The following TRIT1 variants were observed in gnomAD, a reference collection of about 807,000 sequenced individuals.
TRIT1 encodes the protein tRNA dimethylallyltransferase.
A neutral mutation model predicts 51.2 loss-of-function variants in TRIT1; 43 were observed. That is an observed-to-expected ratio of 0.84 (90% confidence interval 0.66 to 1.08). The LOEUF (loss-of-function observed/expected upper bound fraction) is 1.08. Among genes scored for constraint, TRIT1 ranks in the 50% least tolerant of loss-of-function variants. TRIT1 has a pLI of 0.00. For missense variants in TRIT1, 528 were observed against 578.4 expected, an observed-to-expected ratio of 0.91 and a Z score of 0.89; for synonymous variants, 184 against 203.9, an observed-to-expected ratio of 0.90 and a Z score of 0.83.
intron 8 of TRIT1, among the ~76,000 whole-genome samples, chr1:39,845,591 C>T (rs1642177746): frequency 6.6e-6 from 1 of 152,388 alleles, no homozygotes; most frequent in Admixed American, 6.5e-5. Flanking sequence ...AGGGTGCAGG[C>T]AGCATCCACA....
chr1:39,874,366 G>A (rs1481333140), intron 1 of TRIT1, among the ~76,000 whole-genome samples: 1 of 152,126 alleles, frequency 6.6e-6, no homozygotes, highest in Non-Finnish European at 1.5e-5. Context: ...TGTCTCCAGG[G>A]ATTGCCAAAC....
intron 1 of TRIT1, among the ~76,000 whole-genome samples, chr1:39,880,031 T>A (rs1333652550): frequency 6.7e-6 from 1 of 149,886 alleles, no homozygotes; most frequent in African/African-American, 2.5e-5. Context: ...AAAAATTAGC[T>A]GGGCCTGGTG....
At chr1:39,862,874 A>G (rs1643330465) in intron 1 of TRIT1, 2 of 985,450 alleles carry the variant, frequency 2.0e-6, no homozygotes, top group Non-Finnish European at 2.4e-6. Context: ...GATCTGTGTT[A>G]TCTTTCAAAG....
chr1:39,855,187 G>A (rs1642825299), intron 2 of TRIT1, among the ~76,000 whole-genome samples: 1 of 152,030 alleles, frequency 6.6e-6, no homozygotes, highest in African/African-American at 2.4e-5. Context: ...TCAATATCCA[G>A]GTAAATAATC....
At position 39,844,629 on chromosome 1, in the gene TRIT1, T is replaced by G; in HGVS notation, c.1018A>C (p.Ile340Leu). 6.2e-7 allele frequency: 1 copy of G among 1,612,412 alleles called. No homozygotes were observed. Among genetic ancestry groups the G allele is most frequent in the Non-Finnish European group, 8.5e-7 (1 of 1,178,588 alleles). The change falls in exon 9 of 11, where the codon ATT becomes CTT. Residue 340 changes from isoleucine (I) to leucine (L), a missense_variant. This residue lies in a region of TRIT1 where 468 missense variants were observed against 522.6 expected (regional missense o/e 0.90). Coordinates refer to ENST00000316891, the MANE Select transcript of TRIT1 (RefSeq NM_017646.6). ...KNRFLSRPGP[I>L]VPPVYGLEVS... ...TCTAAGCCATAGACAGGGGGGACAATGGGACCAGGTCCTAATGATGACAAA... is the reference window on the plus strand; with the variant it reads ...TCTAAGCCATAGACAGGGGGGACAAGGGGACCAGGTCCTAATGATGACAAA...
intron 3 of TRIT1, among the ~76,000 whole-genome samples, chr1:39,853,734 G>C (rs1317414122): frequency 6.6e-6 from 1 of 152,142 alleles, no homozygotes; most frequent in Non-Finnish European, 1.5e-5. Context: ...AATTTATATG[G>C]AGATGCTAAT....
chr1:39,875,211 C>T (rs1207834120), intron 1 of TRIT1, among the ~76,000 whole-genome samples: 1 of 152,032 alleles, frequency 6.6e-6, no homozygotes, highest in Non-Finnish European at 1.5e-5. Context: ...ATTTACAGGC[C>T]AGGTGCAGTG....
At chr1:39,847,875 T>TGGGA in intron 6 of TRIT1, 111 bp downstream of exon 6, 1 of 1,346,058 alleles carries the variant, frequency 7.4e-7, no homozygotes, top group African/African-American at 1.5e-5. Context: ...AAAAACTGCA[T>TGGGA]CTGCAAAGAA....
chr1:39,854,629 CCTGT>C (rs1642786765), intron 2 of TRIT1, among the ~76,000 whole-genome samples: 1 of 152,168 alleles, frequency 6.6e-6, no homozygotes, highest in African/African-American at 2.4e-5. Flanking sequence ...AATTACTCAG[CCTGT>C]CTGAGTTTCA....
At chr1:39,850,856 T>C (rs1312384717) in intron 4 of TRIT1, among the ~76,000 whole-genome samples, 2 of 152,216 alleles carry the variant, frequency 1.3e-5, no homozygotes, top group Non-Finnish European at 2.9e-5. Flanking sequence ...CAGCTTTCTT[T>C]TTAAATATGT....
At chr1:39,855,282 C>T (rs1414914977) in intron 2 of TRIT1, among the ~76,000 whole-genome samples, 2 of 152,156 alleles carry the variant, frequency 1.3e-5, no homozygotes, top group Admixed American at 6.5e-5. Context: ...AACCCTTAAG[C>T]GGCTAAGGCA....
intron 5 of TRIT1, among the ~76,000 whole-genome samples, chr1:39,848,719 A>G (rs910767117): frequency 6.6e-6 from 1 of 151,628 alleles, no homozygotes; most frequent in Non-Finnish European, 1.5e-5. Context: ...GCTACTTGGG[A>G]GGCTGGGGCA....
In TRIT1 at chr1:39,841,723, A is replaced by C; in HGVS notation, c.*21T>G. The C allele has an allele frequency of 1.3e-6, 2 of 1,593,050 alleles. No individual in the cohort carries two copies. The highest frequency in any genetic ancestry group is 1.8e-5 in the Admixed American group (1 of 56,186). On this transcript the variant is annotated 3_prime_UTR_variant, in exon 11 of 11. Coordinates refer to ENST00000316891, the MANE Select transcript of TRIT1 (RefSeq NM_017646.6). ...TGAACTGGATCCCCACCACCTTTCC[A>C]AAGGCCACTGGACATGTCTCTTAAA... is the stretch of plus-strand genomic sequence containing the variant.
intron 1 of TRIT1, among the ~76,000 whole-genome samples, chr1:39,875,756 C>T (rs1464615735): frequency 2.6e-5 from 4 of 151,540 alleles, no homozygotes; most frequent in Non-Finnish European, 2.9e-5. Context: ...CACAGTGGTA[C>T]AGAGGAAAAG....
intron 1 of TRIT1, among the ~76,000 whole-genome samples, chr1:39,878,987 T>C (rs1040190262): frequency 6.6e-6 from 1 of 152,200 alleles, no homozygotes; most frequent in Admixed American, 6.5e-5. Flanking sequence ...TAAAAACTCC[T>C]GGCCTGGCGC....
chr1:39,846,137 C>T (rs1642209162), intron 8 of TRIT1, among the ~76,000 whole-genome samples: 1 of 152,166 alleles, frequency 6.6e-6, no homozygotes, highest in South Asian at 2.1e-4. Context: ...GCAGAGAAAA[C>T]AGGATAAGTA....
intron 1 of TRIT1, among the ~76,000 whole-genome samples, chr1:39,874,108 C>T (rs1344253597): frequency 6.6e-6 from 1 of 152,176 alleles, no homozygotes; most frequent in African/African-American, 2.4e-5. Context: ...AGTGGGACGA[C>T]TGCTTGAGCC....
chr1:39,877,329 A>T (rs1372602223), intron 1 of TRIT1, among the ~76,000 whole-genome samples: 1 of 91,696 alleles, frequency 1.1e-5, no homozygotes, highest in African/African-American at 5.6e-5. Flanking sequence ...TGCTTCTATT[A>T]AAAAAAAAAA....
intron 6 of TRIT1, 66 bp downstream of exon 6, chr1:39,847,920 G>A: frequency 6.8e-7 from 1 of 1,471,930 alleles, no homozygotes; most frequent in Non-Finnish European, 9.5e-7. Flanking sequence ...GCCAGTATTA[G>A]CGTTATGGTC....
Sources: gnomAD v4.1 joint callset for allele counts (sites outside exome capture counted in the v4.1 genomes callset) on GRCh38, gnomAD v4.1.1 for gene constraint, gnomAD v4.1.1 regional missense constraint, MANE v1.5 for transcripts, NCBI Gene and HGNC (gene_info 2026-07-23, HGNC 2026-07-21) for gene names.